Variants in DNAH9 observed in about 807,000 individuals in gnomAD.
DNAH9 encodes dynein axonemal heavy chain 9.
In DNAH9, 345 loss-of-function variants were observed where a neutral mutation model predicts 471.6. The ratio of observed to expected loss-of-function variants is 0.73; its 90% CI spans 0.67 to 0.80. The LOEUF (loss-of-function observed/expected upper bound fraction) is 0.80, where lower values mean the gene tolerates loss of function less well. Among genes scored for constraint, DNAH9 ranks in the 30% least tolerant of loss-of-function variants. The pLI is 0.00. For missense variants in DNAH9, 5,407 were observed against 5,609.2 expected (o/e 0.96, Z 1.15); for synonymous variants, 2,093 against 2,123.6 (o/e 0.99, Z 0.40).
chr17:11,726,031 A>C (rs2150811525), intron 27 of DNAH9, among the ~76,000 whole-genome samples: 1 of 152,304 alleles, frequency 6.6e-6, no homozygotes, highest in East Asian at 1.9e-4. Flanking sequence ...GACTTTATTT[A>C]GTAATTCAAC....
intron 12 of DNAH9, among the ~76,000 whole-genome samples, chr17:11,648,167 A>G (rs1055588283): frequency 1.3e-5 from 2 of 152,242 alleles, no homozygotes; most frequent in Admixed American, 1.3e-4. Flanking sequence ...AGTCACCTAC[A>G]TCTGCCTTGA....
intron 17 of DNAH9, among the ~76,000 whole-genome samples, chr17:11,670,359 G>A (rs1365784188): frequency 1.3e-5 from 2 of 152,182 alleles, no homozygotes; most frequent in East Asian, 1.9e-4. Flanking sequence ...AATAATCCAT[G>A]TAGTCAACAG....
chr17:11,817,962 A>G (rs753316248), intron 45 of DNAH9, among the ~76,000 whole-genome samples: 4 of 152,244 alleles, frequency 2.6e-5, no homozygotes, highest in African/African-American at 9.6e-5. Context: ...GTTTAGTGCT[A>G]TCAAACCATG....
At chr17:11,605,791 C>T (rs140059903) in intron 1 of DNAH9, among the ~76,000 whole-genome samples, 12 of 152,038 alleles carry the variant, frequency 7.9e-5, no homozygotes, top group African/African-American at 2.4e-4. Context: ...CGTGAGCCAC[C>T]GCACCTGGCT....
intron 38 of DNAH9, among the ~76,000 whole-genome samples, chr17:11,775,251 A>G (rs1968373408): frequency 6.6e-6 from 1 of 152,194 alleles, no homozygotes; most frequent in Non-Finnish European, 1.5e-5. Flanking sequence ...AAAACACTCA[A>G]AATGATTCCC....
chr17:11,815,156 C>T (rs1970052315), intron 45 of DNAH9, among the ~76,000 whole-genome samples: 1 of 151,592 alleles, frequency 6.6e-6, no homozygotes, highest in Non-Finnish European at 1.5e-5. Context: ...CAAAAAGAAG[C>T]ATGAGCAATC....
At chr17:11,850,337 A>G (rs1403160247) in intron 49 of DNAH9, among the ~76,000 whole-genome samples, 4 of 152,204 alleles carry the variant, frequency 2.6e-5, no homozygotes, top group African/African-American at 9.6e-5. Flanking sequence ...GTGCCTAACA[A>G]TTCCTGCCTT....
chr17:11,961,857 T>G lies in DNAH9; in HGVS notation c.12844-10T>G, dbSNP rs1287633696. Reference sequence around the variant, plus strand: ...TCTCACGCTTTCCCCCTCCCATTCTTTATCTTCAGGGGGAGCTGACTATGA... The same window carrying G: ...TCTCACGCTTTCCCCCTCCCATTCTGTATCTTCAGGGGGAGCTGACTATGA... On this transcript the variant is annotated splice_polypyrimidine_tract_variant and intron_variant, in intron 67 of 68. Transcript: ENST00000262442. The G allele has an allele frequency of 6.3e-7, 1 of 1,586,156 alleles. No homozygotes were observed. The highest frequency in any genetic ancestry group is 1.3e-5 in the African/African-American group (1 of 74,126).
At chr17:11,826,455 G>GTTTTTTTTTTTTTTTTTTTTT (rs36037678) in intron 48 of DNAH9, among the ~76,000 whole-genome samples, 1 of 78,980 alleles carries the variant, frequency 1.3e-5, no homozygotes, top group African/African-American at 5.1e-5. Flanking sequence ...CTTTTTCTTG[G>GTTTTTTTTTTTTTTTTTTTTT]TTTTTTTTTT....
In DNAH9 at chr17:11,706,085, TA is replaced by T. The variant is rs559720350; in HGVS notation, c.5552+905del. On this transcript the variant is annotated intron_variant, in intron 26 of 68. Coordinates refer to ENST00000262442, the MANE Select transcript of DNAH9 (RefSeq NM_001372.4). ...GTATTTTGCTTTCCAGGCATATTTA[TA>T]AAAATAAATATGGTTCATTAAAACA... is the stretch of plus-strand genomic sequence containing the variant. Among the ~76,000 whole-genome samples, 576 of 152,230 alleles carry T rather than the reference TA, an allele frequency of 3.8e-3. 3 individuals carry two copies. Among genetic ancestry groups the T allele is most frequent in the African/African-American group, 0.013 (537 of 41,534 alleles).
chr17:11,969,339 C>T lies in DNAH9; in HGVS notation c.13273C>T (p.Pro4425Ser). Residue 4425 changes from proline to serine, a missense_variant, in exon 69 of 69, where the codon CCC (proline) becomes TCC (serine). Transcript: ENST00000262442. ...ITEAKLKDLT[P>S]PMPVMFIKAI... ...AGAGGCAAAGCTGAAGGATCTGACACCCCCTATGCCTGTGATGTTCATCAA... is the reference window on the plus strand; with the variant it reads ...AGAGGCAAAGCTGAAGGATCTGACATCCCCTATGCCTGTGATGTTCATCAA... The T allele has an allele frequency of 9.3e-6, 15 of 1,614,030 alleles. No individual in the cohort carries two copies. The highest frequency in any genetic ancestry group is 1.3e-5 in the Non-Finnish European group (15 of 1,179,986).
At chr17:11,888,108 G>A (rs185736315) in intron 57 of DNAH9, among the ~76,000 whole-genome samples, 34 of 151,408 alleles carry the variant, frequency 2.2e-4, no homozygotes, top group East Asian at 3.9e-4. Flanking sequence ...TCAGCCTCCC[G>A]AGTAGCTGGG....
chr17:11,890,846 T>C (rs1277997795), intron 57 of DNAH9, among the ~76,000 whole-genome samples: 2 of 152,134 alleles, frequency 1.3e-5, no homozygotes, highest in Non-Finnish European at 2.9e-5. Context: ...TGTGTCACCA[T>C]GCCCGGACAA....
chr17:11,654,871 C>T (rs2073604739), intron 14 of DNAH9, among the ~76,000 whole-genome samples: 2 of 152,086 alleles, frequency 1.3e-5, no homozygotes, highest in Non-Finnish European at 2.9e-5. Flanking sequence ...GGAAGCAGAG[C>T]TGTCTGACTG....
At chr17:11,701,017 T>A in intron 23 of DNAH9, 105 bp from the exon 24 acceptor site, 1 of 1,238,572 alleles carries the variant, frequency 8.1e-7, no homozygotes, top group Non-Finnish European at 1.2e-6. Context: ...GTATACAATG[T>A]GTGGGCTCCC....
intron 26 of DNAH9, among the ~76,000 whole-genome samples, chr17:11,713,926 T>C (rs952060479): frequency 2.0e-5 from 3 of 152,162 alleles, no homozygotes; most frequent in Admixed American, 2.0e-4. Flanking sequence ...GCTAGAGAGA[T>C]GATATGGGTG....
At chr17:11,719,256 T>A in intron 26 of DNAH9, 78 bp from the exon 27 acceptor site, 2 of 1,415,384 alleles carry the variant, frequency 1.4e-6, no homozygotes, top group Non-Finnish European at 2.0e-6. Context: ...CTATGCCAGA[T>A]CTCACATGGC....
intron 6 of DNAH9, among the ~76,000 whole-genome samples, chr17:11,627,255 A>G (rs911365124): frequency 6.6e-6 from 1 of 152,192 alleles, no homozygotes; most frequent in Admixed American, 6.5e-5. Flanking sequence ...TTAAATAAAT[A>G]TTTCGCTAAT....
At chr17:11,608,724 T>G (rs2072562493) in intron 2 of DNAH9, among the ~76,000 whole-genome samples, 1 of 152,222 alleles carries the variant, frequency 6.6e-6, no homozygotes, top group South Asian at 2.1e-4. Context: ...GTCACAGAAC[T>G]ATCGCTGCCG....
Sources: allele counts gnomAD v4.1 joint callset (sites outside exome capture counted in the v4.1 genomes callset), GRCh38; gene constraint gnomAD v4.1.1; transcripts MANE v1.5; gene names NCBI Gene and HGNC (gene_info 2026-07-23, HGNC 2026-07-21).